The following SBF2 variants were observed in gnomAD, a reference collection of about 807,000 sequenced individuals.
SBF2 encodes myotubularin-related protein 13.
A neutral mutation model predicts 225.2 loss-of-function variants in SBF2; 112 were observed. That is an observed-to-expected ratio of 0.50 (90% confidence interval 0.43 to 0.58). The LOEUF is 0.58. SBF2 is among the 20% of genes least tolerant of loss of function. SBF2 has a pLI of 0.00. For missense variants in SBF2, 1,996 were observed against 2,206.2 expected (o/e 0.90, Z 1.91); for synonymous variants, 763 against 773.3 (o/e 0.99, Z 0.22).
chr11:9,780,648 C>T (rs1757358505), intron 39 of SBF2, 132 bp from the exon 40 acceptor site: 7 of 743,056 alleles, frequency 9.4e-6, no homozygotes, highest in South Asian at 8.9e-5. Context: ...ATTTTTCTTC[C>T]TCAACTACCA....
At chr11:9,942,938 A>AGAAAGAAAGAAAGAAG (rs1223846067) in intron 16 of SBF2, among the ~76,000 whole-genome samples, 2 of 146,206 alleles carry the variant, frequency 1.4e-5, no homozygotes, top group East Asian at 2.0e-4. Context: ...AAAGAAAGAA[A>AGAAAGAAAGAAAGAAG]GAAGGAAGGA....
At chr11:9,871,733 C>T (rs936700416) in intron 17 of SBF2, among the ~76,000 whole-genome samples, 4 of 152,044 alleles carry the variant, frequency 2.6e-5, no homozygotes, top group East Asian at 1.9e-4. Flanking sequence ...CCTCGTGAAC[C>T]GCCTGCCTCA....
At chr11:10,183,272 C>T (rs1464244808) in intron 2 of SBF2, among the ~76,000 whole-genome samples, 5 of 152,158 alleles carry the variant, frequency 3.3e-5, no homozygotes, top group African/African-American at 9.7e-5. Context: ...TTTCTTCCAG[C>T]GTCCTCCTCC....
intron 1 of SBF2, among the ~76,000 whole-genome samples, chr11:10,281,964 T>A (rs533526241): frequency 6.6e-6 from 1 of 152,330 alleles, no homozygotes; most frequent in Admixed American, 6.5e-5. Flanking sequence ...GCAGGTCATA[T>A]TGAACTTCTA....
intron 16 of SBF2, among the ~76,000 whole-genome samples, chr11:9,912,556 TG>T (rs1862728889): frequency 6.6e-6 from 1 of 152,200 alleles, no homozygotes; most frequent in Non-Finnish European, 1.5e-5. Context: ...CACTCCAGCC[TG>T]GGCAAACATA....
At chr11:9,822,411 C>A (rs1854813993) in intron 28 of SBF2, among the ~76,000 whole-genome samples, 1 of 152,140 alleles carries the variant, frequency 6.6e-6, no homozygotes, top group African/African-American at 2.4e-5. Flanking sequence ...CAGGCGCCCG[C>A]CACCACGCCC....
At chr11:10,063,854 C>CAG (rs1213684004) in intron 2 of SBF2, among the ~76,000 whole-genome samples, 8 of 126,374 alleles carry the variant, frequency 6.3e-5, no homozygotes, top group African/African-American at 2.1e-4. Context: ...CACACACACA[C>CAG]ACACAGAGAG....
At chr11:9,956,299 G>C (rs767489116) in intron 16 of SBF2, among the ~76,000 whole-genome samples, 4 of 152,098 alleles carry the variant, frequency 2.6e-5, no homozygotes, top group Admixed American at 6.6e-5. Context: ...GATAGAGTAC[G>C]CTTCATATGC....
chr11:10,027,581 A>G (rs1949096376), intron 6 of SBF2, among the ~76,000 whole-genome samples: 2 of 152,224 alleles, frequency 1.3e-5, no homozygotes, highest in South Asian at 4.1e-4. Flanking sequence ...AGGAAAAGAC[A>G]AACACAGATG....
At chr11:10,072,626 C>T (rs1235469521) in intron 2 of SBF2, among the ~76,000 whole-genome samples, 1 of 151,864 alleles carries the variant, frequency 6.6e-6, no homozygotes, top group Non-Finnish European at 1.5e-5. Flanking sequence ...TTACTAATTT[C>T]CTGGACAACA....
At chr11:10,032,221 A>T (rs1949287253) in intron 3 of SBF2, among the ~76,000 whole-genome samples, 1 of 152,200 alleles carries the variant, frequency 6.6e-6, no homozygotes, top group Admixed American at 6.5e-5. Flanking sequence ...ACAAAATATG[A>T]TTCTCCCGCT....
Position 9,969,838 on chromosome 11 carries a change from C to T in SBF2, c.1396-1293G>A, listed in dbSNP as rs1274202947. Among the ~76,000 whole-genome samples, 6 of 152,184 alleles carry T rather than the reference C, an allele frequency of 3.9e-5. No individual in the cohort carries two copies. The East Asian group carries it at 1.2e-3, about 29-fold the overall frequency. On this transcript the variant is annotated intron_variant, in intron 13 of 39. Coordinates refer to ENST00000256190, the MANE Select transcript of SBF2 (RefSeq NM_030962.4). Reference sequence around the variant, plus strand: ...AAAGCTCCATGAGAGTAGACGTATACCTACTGCATCTAGAAACTGCCTGGC... The same window carrying T: ...AAAGCTCCATGAGAGTAGACGTATATCTACTGCATCTAGAAACTGCCTGGC...
Position 10,001,016 on chromosome 11 carries a change from A to G in SBF2, c.759T>C (p.Pro253=), listed in dbSNP as rs1022919746. ...GCTGAGCCGGGAGAATAGGGATATA[A>G]GGATAACTGGAAATAATAAAAATAT... ...SLMFPLKYSY[P]YIPILPAQLL... The change falls in exon 8 of 40, where the codon CCT becomes CCC. Residue 253 remains proline, a synonymous_variant. Transcript: ENST00000256190. 3 of 1,539,408 alleles carry G rather than the reference A, an allele frequency of 1.9e-6. No homozygotes were observed. The highest frequency in any genetic ancestry group is 1.1e-5 in the South Asian group (1 of 89,470).
At chr11:10,029,341 T>C (rs1949166385) in intron 5 of SBF2, among the ~76,000 whole-genome samples, 1 of 152,198 alleles carries the variant, frequency 6.6e-6, no homozygotes, top group African/African-American at 2.4e-5. Context: ...AAGAACTGTG[T>C]TGAGAGTTTT....
At chr11:9,977,506 A>G (rs972523242) in intron 13 of SBF2, among the ~76,000 whole-genome samples, 1 of 151,774 alleles carries the variant, frequency 6.6e-6, no homozygotes, top group Non-Finnish European at 1.5e-5. Context: ...AAAAAAAAAA[A>G]AGAATCATAG....
intron 2 of SBF2, among the ~76,000 whole-genome samples, chr11:10,131,215 T>C (rs1027709777): frequency 1.3e-5 from 2 of 150,860 alleles, no homozygotes; most frequent in African/African-American, 4.9e-5. Flanking sequence ...CCACATTTAA[T>C]ATTGCCACTA....
chr11:9,813,869 G>C (rs1854322987), intron 29 of SBF2, among the ~76,000 whole-genome samples: 1 of 152,026 alleles, frequency 6.6e-6, no homozygotes, highest in African/African-American at 2.4e-5. Context: ...TTGAACCCCG[G>C]AGATGGAGGT....
At chr11:10,187,718 C>T (rs1956990415) in intron 2 of SBF2, among the ~76,000 whole-genome samples, 1 of 151,982 alleles carries the variant, frequency 6.6e-6, no homozygotes, top group Non-Finnish European at 1.5e-5. Flanking sequence ...CTCCCATCTA[C>T]CCTACTGCCA....
chr11:10,239,334 GA>G (rs1565389997), intron 1 of SBF2, among the ~76,000 whole-genome samples: 1 of 150,516 alleles, frequency 6.6e-6, no homozygotes, highest in Admixed American at 6.6e-5. Context: ...AAGATAAATA[GA>G]AAATTGCCAT....
Sources: gnomAD v4.1 joint callset for allele counts (sites outside exome capture counted in the v4.1 genomes callset) on GRCh38, gnomAD v4.1.1 for gene constraint, MANE v1.5 for transcripts, NCBI Gene and HGNC (gene_info 2026-07-23, HGNC 2026-07-21) for gene names.